Variants in KDSR observed in about 807,000 individuals in gnomAD.
KDSR encodes the protein 3-dehydrosphinganine reductase.
A neutral mutation model predicts 41.3 loss-of-function variants in KDSR; 23 were observed. The observed-to-expected ratio is 0.56, with a 90% CI of 0.40 to 0.79. The LOEUF (loss-of-function observed/expected upper bound fraction) is 0.79, where lower values mean the gene tolerates loss of function less well. Among genes scored for constraint, KDSR ranks in the 30% least tolerant of loss-of-function variants. KDSR has a pLI of 0.00. For synonymous variants in KDSR, 138 were observed against 151.7 expected, an observed-to-expected ratio of 0.91 and a Z score of 0.66; for missense variants, 351 against 416.8, an observed-to-expected ratio of 0.84 and a Z score of 1.37.
chr18:63,328,380 T>A lies in KDSR; in HGVS notation c.*3402A>T, dbSNP rs1913871724. On this transcript the variant is annotated 3_prime_UTR_variant, in exon 10 of 10. Coordinates refer to ENST00000645214, the MANE Select transcript of KDSR (RefSeq NM_002035.4). ...CTTTTTTTTTTTTTTTGAGACAGAG[T>A]CTCGCACTGTCACCTAGGCTGGAGT... 6.4e-6 allele frequency: 1 copy of A among 156,438 alleles called. No homozygotes were observed. Among genetic ancestry groups the A allele is most frequent in the Non-Finnish European group, 1.4e-5 (1 of 72,108 alleles). The allele number at this position is 156,438 out of a possible 1,614,324, so 9.7% of individuals were successfully genotyped here.
Position 63,328,114 on chromosome 18 carries a change from G to A in KDSR, c.*3668C>T, listed in dbSNP as rs1913861153. 5.3e-6 allele frequency: 1 copy of A among 188,878 alleles called. No individual in the cohort carries two copies. Among genetic ancestry groups the A allele is most frequent in the Non-Finnish European group, 1.1e-5 (1 of 89,964 alleles). 11.7% of individuals were successfully genotyped at this position (188,878 alleles called of 1,614,324 possible). A position where few individuals can be genotyped will look rare whatever the true frequency, so the allele number is the denominator to read the frequency against. On this transcript the variant is annotated 3_prime_UTR_variant, in exon 10 of 10. Coordinates refer to ENST00000645214, the MANE Select transcript of KDSR (RefSeq NM_002035.4). Reference sequence around the variant, plus strand: ...TGTCAAAGAGTATGAATATTTAAAAGTGGCCTCAAGTGAGTAATACATGTT... The same window carrying A: ...TGTCAAAGAGTATGAATATTTAAAAATGGCCTCAAGTGAGTAATACATGTT...
intron 3 of KDSR, among the ~76,000 whole-genome samples, chr18:63,358,471 C>T (rs1412495947): frequency 6.6e-6 from 1 of 151,834 alleles, no homozygotes; most frequent in Admixed American, 6.6e-5. Flanking sequence ...TAAATTATAT[C>T]TCATAAAGCT....
rs1448884277 is a variant in KDSR, at chr18:63,330,739, C to A, written c.*1043G>T. 4.4e-6 allele frequency: 1 copy of A among 227,792 alleles called. No homozygotes were observed. Among genetic ancestry groups the A allele is most frequent in the East Asian group, 6.3e-5 (1 of 15,942 alleles). The allele number at this position is 227,792 out of a possible 1,614,324, so 14.1% of individuals were successfully genotyped here. On this transcript the variant is annotated 3_prime_UTR_variant, in exon 10 of 10. Coordinates refer to ENST00000645214, the MANE Select transcript of KDSR (RefSeq NM_002035.4). The stretch of plus-strand genomic sequence containing the variant: ...AAAAAGTCACACTTTTTAATTTTTT[C>A]ATTTGCTTTAATTAATTCATGAGTT...
intron 1 of KDSR, among the ~76,000 whole-genome samples, chr18:63,364,113 T>C (rs893500520): frequency 3.3e-5 from 5 of 152,186 alleles, no homozygotes; most frequent in African/African-American, 9.7e-5. Context: ...TTGCAACGAA[T>C]GCTCTTCTCC....
At chr18:63,337,850 C>T (rs955276903) in intron 8 of KDSR, among the ~76,000 whole-genome samples, 2 of 152,194 alleles carry the variant, frequency 1.3e-5, no homozygotes, top group East Asian at 3.8e-4. Flanking sequence ...ATCACTTAAA[C>T]CCAGGAGGCA....
intron 7 of KDSR, among the ~76,000 whole-genome samples, chr18:63,342,733 A>G (rs2615198): frequency 0.63 from 95,883 of 151,978 alleles, 31,709 homozygotes; most frequent in Admixed American, 0.73. Context: ...GTCTTACTCT[A>G]TTGCCCAGGC....
intron 8 of KDSR, among the ~76,000 whole-genome samples, chr18:63,337,278 A>G (rs922441452): frequency 3.3e-5 from 5 of 151,654 alleles, no homozygotes; most frequent in African/African-American, 1.2e-4. Context: ...ACCACACCCG[A>G]CTAATTTTTG....
intron 7 of KDSR, among the ~76,000 whole-genome samples, chr18:63,339,142 G>T (rs775682786): frequency 6.6e-6 from 1 of 152,178 alleles, no homozygotes; most frequent in Non-Finnish European, 1.5e-5. Context: ...CTCCACTGAG[G>T]ACCATCAAAG....
intron 1 of KDSR, among the ~76,000 whole-genome samples, chr18:63,365,463 G>A (rs899029939): frequency 6.6e-5 from 10 of 152,190 alleles, no homozygotes; most frequent in Admixed American, 3.9e-4. Context: ...AACTATTCAT[G>A]TCATTCTCAC....
intron 2 of KDSR, 78 bp from the exon 3 acceptor site, chr18:63,359,870 C>A: frequency 1.0e-6 from 1 of 970,188 alleles, no homozygotes; most frequent in Non-Finnish European, 1.7e-6. Flanking sequence ...AGAAAAAAAG[C>A]AATTATTTCT....
Position 63,367,014 on chromosome 18 carries a change from C to G in KDSR, c.105G>C (p.Val35=), listed in dbSNP as rs1308610389. 8.4e-6 allele frequency: 11 copies of G among 1,311,092 alleles called. No homozygotes were observed. The highest frequency in any genetic ancestry group is 1.1e-5 in the Non-Finnish European group (11 of 1,020,570). The allele number at this position is 1,311,092 out of a possible 1,614,324, so 81.2% of individuals were successfully genotyped here. Residue 35 remains valine, a synonymous_variant, in exon 1 of 10, where the codon GTG becomes GTC. Transcript: ENST00000645214. ...GCAGCAACAGGAGGCCACTCACCAC[C>G]ACATGCGCCCCGGGCAGGGCGAGGG... The part of the protein sequence containing the change: ...PKPLALPGAH[V]VVTGGSSGIG...
chr18:63,336,193 G>C (rs994002139), intron 8 of KDSR, among the ~76,000 whole-genome samples: 1 of 151,966 alleles, frequency 6.6e-6, no homozygotes, highest in Non-Finnish European at 1.5e-5. Context: ...CCACACCCGG[G>C]TAATTTTTGT....
chr18:63,343,081 T>C (rs1914392278), intron 7 of KDSR, among the ~76,000 whole-genome samples: 1 of 152,228 alleles, frequency 6.6e-6, no homozygotes, highest in Non-Finnish European at 1.5e-5. Flanking sequence ...AGCAGCAGAC[T>C]GTACAGCCTG....
chr18:63,366,985 G>A (rs371205204), intron 1 of KDSR, 26 bp downstream of exon 1: 2 of 1,227,838 alleles, frequency 1.6e-6, no homozygotes, highest in Non-Finnish European at 2.1e-6. Flanking sequence ...CGGTAAGTCG[G>A]GGGGCAGCAA....
Position 63,331,879 on chromosome 18 carries a change from C to A in KDSR, c.902G>T (p.Arg301Leu). The A allele has an allele frequency of 6.2e-7, 1 of 1,613,656 alleles. No individual in the cohort carries two copies. Among genetic ancestry groups the A allele is most frequent in the Non-Finnish European group, 8.5e-7 (1 of 1,179,768 alleles). Reference sequence around the variant, plus strand: ...TCCAAGGTAAAACAAAGCAATAGTGCGGAAAAGGCCCATGGTGACCACCTG... The same window carrying A: ...TCCAAGGTAAAACAAAGCAATAGTGAGGAAAAGGCCCATGGTGACCACCTG... ...LQQVVTMGLF[R>L]TIALFYLGSF... The change falls in exon 10 of 10, where the codon CGC becomes CTC. Residue 301 changes from arginine (R) to leucine (L), a missense_variant. Arg to Leu is a moderately radical substitution (Grantham distance 102, BLOSUM62 -2). Coordinates refer to ENST00000645214, the MANE Select transcript of KDSR (RefSeq NM_002035.4).
At chr18:63,366,871 G>T in intron 1 of KDSR, 140 bp downstream of exon 1, 1 of 418,266 alleles carries the variant, frequency 2.4e-6, no homozygotes, top group Non-Finnish European at 4.1e-6. Flanking sequence ...CGGGGTGGAC[G>T]GCGGCAGGTG....
intron 6 of KDSR, among the ~76,000 whole-genome samples, chr18:63,349,002 T>C (rs903576375): frequency 6.6e-6 from 1 of 152,228 alleles, no homozygotes; most frequent in Non-Finnish European, 1.5e-5. Context: ...TATGTGACTT[T>C]GAGCAACACA....
chr18:63,340,368 A>C (rs1208826684), intron 7 of KDSR, among the ~76,000 whole-genome samples: 1 of 152,156 alleles, frequency 6.6e-6, no homozygotes, highest in Non-Finnish European at 1.5e-5. Flanking sequence ...GAATAGGGGG[A>C]AAAAACCTAA....
chr18:63,357,313 C>T (rs1276113222), intron 3 of KDSR, among the ~76,000 whole-genome samples: 2 of 151,962 alleles, frequency 1.3e-5, no homozygotes, highest in Non-Finnish European at 2.9e-5. Flanking sequence ...GGGTATGTAC[C>T]ATTCTTGCAC....
Sources: gnomAD v4.1 joint callset for allele counts (sites outside exome capture counted in the v4.1 genomes callset) on GRCh38, gnomAD v4.1.1 for gene constraint, MANE v1.5 for transcripts, NCBI Gene and HGNC (gene_info 2026-07-23, HGNC 2026-07-21) for gene names.